The following BICRA variants were observed in gnomAD, a reference collection of about 807,000 sequenced individuals.
BICRA encodes the protein BRD4 interacting chromatin remodeling complex associated protein.
Under a neutral mutation model 96.9 loss-of-function variants are expected in BICRA, and 31 were observed. That is an observed-to-expected ratio of 0.32 (90% CI 0.24 to 0.43). The LOEUF is 0.43. Ranked by LOEUF, BICRA falls within the 20% of genes least tolerant of loss-of-function variation. The probability of loss-of-function intolerance (pLI) is 1.00; values close to 1 mark genes in which losing one functional copy is unlikely to be tolerated. For synonymous variants in BICRA, 1,350 were observed against 1,071.8 expected (o/e 1.26, Z -5.07); for missense variants, 2,283 against 2,190.3 (o/e 1.04, Z -0.84).
intron 1 of BICRA, among the ~76,000 whole-genome samples, chr19:47,666,104 T>G (rs1324924584): frequency 6.6e-6 from 1 of 152,202 alleles, no homozygotes; most frequent in Non-Finnish European, 1.5e-5. Context: ...GAGGACGTAG[T>G]GTTATCCTCC....
Position 47,702,023 on chromosome 19 carries a change from G to A in BICRA, c.4291G>A (p.Glu1431Lys), listed in dbSNP as rs762426841. 1.4e-5 allele frequency: 21 copies of A among 1,489,046 alleles called. No individual in the cohort carries two copies. The highest frequency in any genetic ancestry group is 3.8e-5 in the South Asian group (3 of 78,888). 92.2% of individuals were successfully genotyped at this position (1,489,046 alleles called of 1,614,324 possible). A position where few individuals can be genotyped will look rare whatever the true frequency, so the allele number is the denominator to read the frequency against. ...CGAGGCCACCAGCGGGCTCATCCGC[G>A]AGCTGGCGGCCGTGGAGGACGAGCT... is the stretch of plus-strand genomic sequence containing the variant. ...VDEATSGLIR[E>K]LAAVEDELYQ... The change falls in exon 15 of 15, where the codon GAG becomes AAG. Residue 1431 changes from glutamate to lysine, a missense_variant. Coordinates refer to ENST00000594866, the MANE Select transcript of BICRA (RefSeq NM_001394372.1).
chr19:47,614,623 T>C (rs948573800), intron 1 of BICRA, among the ~76,000 whole-genome samples: 1 of 152,230 alleles, frequency 6.6e-6, no homozygotes, highest in African/African-American at 2.4e-5. Flanking sequence ...AGACTCTGTC[T>C]AAAACAAACA....
intron 1 of BICRA, among the ~76,000 whole-genome samples, chr19:47,656,243 TGA>T (rs1280121402): frequency 6.9e-6 from 1 of 144,636 alleles, no homozygotes; most frequent in Non-Finnish European, 1.5e-5. Context: ...TGGGCAACAG[TGA>T]GACCCTGTCT....
rs1166242032 is a variant in BICRA at position 47,628,459 on chromosome 19, G to C, written c.-108+19291G>C. Among the ~76,000 whole-genome samples the C allele has an allele frequency of 2.0e-5, 3 of 152,364 alleles. No individual in the cohort carries two copies. The East Asian group carries it at 5.8e-4, about 29-fold the overall frequency. On this transcript the variant is annotated intron_variant, in intron 1 of 14. Coordinates refer to ENST00000594866, the MANE Select transcript of BICRA (RefSeq NM_001394372.1). ...AATGGAGGGGAGGCATTGGATGCCA[G>C]GGTCAAAATAAGATTCCTTAGCTCT...
At position 47,694,241 on chromosome 19, in the gene BICRA, C is replaced by T. The variant is rs1399033960; in HGVS notation, c.2410C>T (p.Pro804Ser). ...PHPTRPPSRP[P>S]SRPQSVSRPP... is the part of the protein sequence containing the mutation. ...CCCCACCCGGCCCCCTTCCCGCCCA[C>T]CCTCCCGGCCACAGAGTGTGTCCCG... is the stretch of plus-strand genomic sequence containing the variant. The change falls in exon 8 of 15, where the codon CCC becomes TCC. Residue 804 changes from proline (P) to serine (S), a missense_variant. Pro to Ser is a moderately conservative substitution (Grantham distance 74). Coordinates refer to ENST00000594866, the MANE Select transcript of BICRA (RefSeq NM_001394372.1). The T allele has an allele frequency of 2.1e-6, 2 of 933,032 alleles. No individual in the cohort carries two copies. The highest frequency in any genetic ancestry group is 1.5e-6 in the Non-Finnish European group (1 of 647,514). 57.8% of individuals were successfully genotyped at this position (933,032 alleles called of 1,614,324 possible).
intron 1 of BICRA, among the ~76,000 whole-genome samples, chr19:47,611,953 C>G (rs1971913725): frequency 6.6e-6 from 1 of 151,830 alleles, no homozygotes; most frequent in African/African-American, 2.4e-5. Flanking sequence ...TCACTGCAAC[C>G]TCTGCCTCCC....
At chr19:47,670,114 C>CA (rs1447807065) in intron 1 of BICRA, among the ~76,000 whole-genome samples, 1 of 151,838 alleles carries the variant, frequency 6.6e-6, no homozygotes, top group African/African-American at 2.4e-5. Context: ...CATGCCCAGC[C>CA]AAAAAACTTT....
At position 47,698,400 on chromosome 19, in the gene BICRA, C is replaced by T. The variant is rs574665813; in HGVS notation, c.3249-234C>T. Among the ~76,000 whole-genome samples the T allele has an allele frequency of 2.0e-5, 3 of 152,326 alleles. No individual in the cohort carries two copies. The highest frequency in any genetic ancestry group is 4.1e-4 in the South Asian group (2 of 4,832). On this transcript the variant is annotated intron_variant, in intron 11 of 14. Transcript: ENST00000594866. The surrounding 1 kb of genome is among the most constrained non-coding windows in gnomAD (Gnocchi z 4.8). ...AGGAGTGACTTCACTTCCTCGACCTCACCTTCCCTTTCTGTAAAATGGGGA... is the reference window on the plus strand; with the variant it reads ...AGGAGTGACTTCACTTCCTCGACCTTACCTTCCCTTTCTGTAAAATGGGGA...
rs1394111596 is a variant in BICRA, at chr19:47,703,268, T to A, written c.*853T>A. On this transcript the variant is annotated 3_prime_UTR_variant, in exon 15 of 15. Transcript: ENST00000594866. ...GTAAATTAAAAACCGATCCTTTTTTTAAAACTGTACTCATGCCCCCTTGGC... is the reference window on the plus strand; with the variant it reads ...GTAAATTAAAAACCGATCCTTTTTTAAAAACTGTACTCATGCCCCCTTGGC... The A allele has an allele frequency of 1.3e-5, 2 of 152,522 alleles. No individual in the cohort carries two copies. The highest frequency in any genetic ancestry group is 2.9e-5 in the Non-Finnish European group (2 of 68,038). 9.4% of individuals were successfully genotyped at this position (152,522 alleles called of 1,614,324 possible).
intron 7 of BICRA, among the ~76,000 whole-genome samples, chr19:47,683,863 C>T (rs929943807): frequency 1.3e-5 from 2 of 152,150 alleles, no homozygotes; most frequent in Admixed American, 6.5e-5. Flanking sequence ...GGATTATAGG[C>T]GTGAGCCACC....
chr19:47,654,175 C>T (rs1313289983), intron 1 of BICRA, among the ~76,000 whole-genome samples: 3 of 152,160 alleles, frequency 2.0e-5, no homozygotes, highest in Admixed American at 1.3e-4. Flanking sequence ...ATTCGTGTTC[C>T]GCCACACCCT....
At chr19:47,676,807 G>T (rs1255517850) in intron 5 of BICRA, among the ~76,000 whole-genome samples, 1 of 151,690 alleles carries the variant, frequency 6.6e-6, no homozygotes, top group East Asian at 1.9e-4. Flanking sequence ...AGTAACAGTG[G>T]TGATCCTGTT....
intron 1 of BICRA, among the ~76,000 whole-genome samples, chr19:47,634,214 C>T (rs935879604): frequency 2.6e-5 from 4 of 152,176 alleles, no homozygotes; most frequent in African/African-American, 9.6e-5. Flanking sequence ...GTGGGCAGTG[C>T]GGCTTCTGGA....
rs1418752561 is a variant in BICRA at position 47,679,449 on chromosome 19, C to T, written c.279C>T (p.Gly93=). Residue 93 remains glycine, a synonymous_variant, in exon 6 of 15, where the codon GGC becomes GGT. Coordinates refer to ENST00000594866, the MANE Select transcript of BICRA (RefSeq NM_001394372.1). The part of the protein sequence containing the change: ...GSPATGGGGG[G]SGGADQPCDI... Reference sequence around the variant, plus strand: ...CTGCGACAGGGGGCGGCGGCGGGGGCAGTGGGGGCGCTGACCAGCCCTGTG... The same window carrying T: ...CTGCGACAGGGGGCGGCGGCGGGGGTAGTGGGGGCGCTGACCAGCCCTGTG... 3.3e-6 allele frequency: 5 copies of T among 1,504,486 alleles called. No homozygotes were observed. The highest frequency in any genetic ancestry group is 2.6e-5 in the East Asian group (1 of 38,876). The allele number at this position is 1,504,486 out of a possible 1,614,324, so 93.2% of individuals were successfully genotyped here.
At position 47,657,542 on chromosome 19, in the gene BICRA, A is replaced by G. The variant is rs928984304; in HGVS notation, c.-107-12901A>G. ...CTCCCAAGTAGCTGGGACTACAGGT[A>G]CCCACCACCACTCCCGGCTAATATT... On this transcript the variant is annotated intron_variant, in intron 1 of 14. Coordinates refer to ENST00000594866, the MANE Select transcript of BICRA (RefSeq NM_001394372.1). 8.6e-5 allele frequency among the ~76,000 whole-genome samples: 13 copies of G among 151,680 alleles called. No individual in the cohort carries two copies. In the South Asian group the frequency reaches 1.3e-3, roughly 15 times the overall value.
chr19:47,641,017 A>G (rs1259674492), intron 1 of BICRA, among the ~76,000 whole-genome samples: 1 of 145,862 alleles, frequency 6.9e-6, no homozygotes, highest in African/African-American at 2.6e-5. Flanking sequence ...CTCCTACCTC[A>G]GCCTCCTGAG....
At chr19:47,692,519 C>T (rs1377402250) in intron 7 of BICRA, among the ~76,000 whole-genome samples, 4 of 152,140 alleles carry the variant, frequency 2.6e-5, no homozygotes, top group East Asian at 1.9e-4. Context: ...CGTGAGCCAC[C>T]GTGCCCGGCC....
At position 47,681,109 on chromosome 19, in the gene BICRA, CCCCCGCAGGCCCCCA is replaced by C; in HGVS notation, c.1944_1958del (p.Pro651_Ala655del). 1.4e-6 allele frequency: 2 copies of C among 1,463,476 alleles called. No homozygotes were observed. The highest frequency in any genetic ancestry group is 9.1e-7 in the Non-Finnish European group (1 of 1,099,184). The allele number at this position is 1,463,476 out of a possible 1,614,324, so 90.7% of individuals were successfully genotyped here. ...CCTCCAGCAGCCGCAGGCGCAGCAG[CCCCCGCAGGCCCCCA>C]CCCCACAGGCCGCCGCCCCGCCTCA... is the stretch of plus-strand genomic sequence containing the variant. On this transcript the variant is annotated inframe_deletion, in exon 6 of 15. Transcript: ENST00000594866.
chr19:47,681,544 G>A (rs1345129563), intron 6 of BICRA, among the ~76,000 whole-genome samples: 3 of 152,318 alleles, frequency 2.0e-5, no homozygotes, highest in African/African-American at 7.2e-5. Flanking sequence ...CTGGCAGACA[G>A]ACAGACAAAG....
Sources: gnomAD v4.1 joint callset for allele counts (sites outside exome capture counted in the v4.1 genomes callset) on GRCh38, gnomAD v4.1.1 for gene constraint, Gnocchi (gnomAD v3.1) non-coding constraint, MANE v1.5 for transcripts, NCBI Gene and HGNC (gene_info 2026-07-23, HGNC 2026-07-21) for gene names.